Variants in PRDM16 observed in about 807,000 individuals in gnomAD.
PRDM16 encodes the protein PR/SET domain 16.
PRDM16 carries 23 observed loss-of-function variants against 110.6 expected under a neutral mutation model. The observed-to-expected ratio is 0.21, with a 90% CI of 0.15 to 0.29. The LOEUF is 0.29. PRDM16 is among the 10% of genes least tolerant of loss of function. PRDM16 has a pLI of 1.00. For synonymous variants in PRDM16, 799 were observed against 781.8 expected, an observed-to-expected ratio of 1.02 and a Z score of -0.37; for missense variants, 1,615 against 1,794.3, an observed-to-expected ratio of 0.90 and a Z score of 1.81.
intron 1 of PRDM16, among the ~76,000 whole-genome samples, chr1:3,171,886 G>C (rs201861534): frequency 3.9e-5 from 6 of 152,078 alleles, no homozygotes; most frequent in African/African-American, 1.4e-4. Flanking sequence ...GGCGCCTCCC[G>C]AGCACAAAGT....
At chr1:3,355,710 T>C (rs1042795663) in intron 3 of PRDM16, among the ~76,000 whole-genome samples, 1 of 152,138 alleles carries the variant, frequency 6.6e-6, no homozygotes, top group Non-Finnish European at 1.5e-5. Flanking sequence ...GATGAGAAAC[T>C]GGGGCCGGGA....
At chr1:3,164,013 T>C (rs1643922279) in intron 1 of PRDM16, among the ~76,000 whole-genome samples, 1 of 152,222 alleles carries the variant, frequency 6.6e-6, no homozygotes, top group African/African-American at 2.4e-5. Flanking sequence ...CCTGCTGGAA[T>C]GTTCCCTGAT....
chr1:3,181,121 C>A (rs1391419030), intron 1 of PRDM16, among the ~76,000 whole-genome samples: 3 of 139,722 alleles, frequency 2.1e-5, no homozygotes, highest in Admixed American at 1.5e-4. Flanking sequence ...CGGCCTTACA[C>A]ACGCAGTCTT....
At chr1:3,101,213 C>G (rs1039712427) in intron 1 of PRDM16, among the ~76,000 whole-genome samples, 17 of 152,272 alleles carry the variant, frequency 1.1e-4, no homozygotes, top group African/African-American at 3.6e-4. Context: ...CCCCAGCGGA[C>G]GAGCAAACAC....
intron 2 of PRDM16, among the ~76,000 whole-genome samples, chr1:3,193,091 C>T (rs918010572): frequency 1.1e-4 from 17 of 152,072 alleles, no homozygotes; most frequent in African/African-American, 3.1e-4. Context: ...GCAGACGCAG[C>T]GGCCAGACGG....
intron 3 of PRDM16, among the ~76,000 whole-genome samples, chr1:3,336,410 G>C (rs528914438): frequency 2.6e-5 from 4 of 152,184 alleles, no homozygotes; most frequent in African/African-American, 9.7e-5. Context: ...ATGTGTGTTG[G>C]TGTGTCTGTG....
intron 2 of PRDM16, among the ~76,000 whole-genome samples, chr1:3,189,305 G>A (rs1203690806): frequency 6.6e-6 from 1 of 152,200 alleles, no homozygotes; most frequent in Admixed American, 6.5e-5. Flanking sequence ...CTCGGCCAGA[G>A]CAGGCCTGGT....
At chr1:3,181,294 G>A (rs1459268448) in intron 1 of PRDM16, among the ~76,000 whole-genome samples, 8 of 66,030 alleles carry the variant, frequency 1.2e-4, no homozygotes, top group African/African-American at 2.5e-4. Flanking sequence ...TCTTACACAC[G>A]CAGTCTTACA....
At position 3,148,193 on chromosome 1, in the gene PRDM16, A is replaced by G. The variant is rs74496309; in HGVS notation, c.38-37932A>G. ...TGGGAAGGAGCCCCCGGATGAGTGA[A>G]GAAGCTGGGTGCAATCTCATGCCCT... On this transcript the variant is annotated intron_variant, in intron 1 of 16. Coordinates refer to ENST00000270722, the MANE Select transcript of PRDM16 (RefSeq NM_022114.4). This position sits in a 1 kb window ranked among gnomAD's most constrained non-coding sequence, Gnocchi z 5.0. Among the ~76,000 whole-genome samples the G allele has an allele frequency of 0.013, 1,930 of 152,064 alleles. 76 individuals are homozygous for G. The highest frequency in any genetic ancestry group is 0.11 in the East Asian group (553 of 5,134).
intron 3 of PRDM16, among the ~76,000 whole-genome samples, chr1:3,247,285 G>T (rs186958103): frequency 1.3e-5 from 2 of 152,312 alleles, no homozygotes; most frequent in Admixed American, 1.3e-4. Context: ...CAGCAGCTTG[G>T]CATATGAGCT....
chr1:3,279,690 C>A (rs955887299), intron 3 of PRDM16, among the ~76,000 whole-genome samples: 1 of 152,042 alleles, frequency 6.6e-6, no homozygotes, highest in African/African-American at 2.4e-5. Context: ...GGCAGAGGGT[C>A]GGGGGAGTGG....
chr1:3,266,371 C>T (rs1640292960), intron 3 of PRDM16, among the ~76,000 whole-genome samples: 1 of 152,202 alleles, frequency 6.6e-6, no homozygotes, highest in Non-Finnish European at 1.5e-5. Context: ...GAACAATGCG[C>T]GCCGGAGCCT....
At chr1:3,377,960 A>G (rs1643024012) in intron 3 of PRDM16, among the ~76,000 whole-genome samples, 1 of 152,192 alleles carries the variant, frequency 6.6e-6, no homozygotes, top group Non-Finnish European at 1.5e-5. Context: ...AGAGACTCCC[A>G]GAGGGCCTTG....
chr1:3,182,145 CT>C (rs761061249), intron 1 of PRDM16, among the ~76,000 whole-genome samples: 6 of 152,268 alleles, frequency 3.9e-5, no homozygotes, highest in Non-Finnish European at 5.9e-5. Context: ...GGCCTCATGG[CT>C]TCTCTTTAAA....
chr1:3,269,866 C>A (rs984408696), intron 3 of PRDM16, among the ~76,000 whole-genome samples: 11 of 144,700 alleles, frequency 7.6e-5, no homozygotes, highest in Non-Finnish European at 7.5e-5. Flanking sequence ...GGAGGAAAGT[C>A]CCAGAGGAGG....
At chr1:3,106,721 TG>T (rs1177412994) in intron 1 of PRDM16, among the ~76,000 whole-genome samples, 4 of 151,886 alleles carry the variant, frequency 2.6e-5, no homozygotes, top group East Asian at 1.9e-4. Flanking sequence ...CAGGCCAGCA[TG>T]GGGGGGAGCA....
chr1:3,180,369 C>A (rs768004854), intron 1 of PRDM16, among the ~76,000 whole-genome samples: 1 of 152,072 alleles, frequency 6.6e-6, no homozygotes, highest in African/African-American at 2.4e-5. Flanking sequence ...GTTCTTTCCA[C>A]TGAAATGTTC....
At chr1:3,219,965 G>T (rs183135548) in intron 2 of PRDM16, among the ~76,000 whole-genome samples, 398 of 152,262 alleles carry the variant, frequency 2.6e-3, no homozygotes, top group Admixed American at 4.6e-3. Context: ...GCGAGGCTGC[G>T]GTGCTGGCCA....
In PRDM16 at chr1:3,435,701, TCTC is replaced by T. The variant is rs777997942; in HGVS notation, c.*1894_*1896del. 131 of 232,482 alleles carry T rather than the reference TCTC, an allele frequency of 5.6e-4. No homozygotes were observed. The highest frequency in any genetic ancestry group is 2.0e-3 in the African/African-American group (90 of 45,280). 14.4% of individuals were successfully genotyped at this position (232,482 alleles called of 1,614,324 possible). A position where few individuals can be genotyped will look rare whatever the true frequency, so the allele number is the denominator to read the frequency against. ...TCAGGCTTTGTGTCACGCGTGGACA[TCTC>T]CTCAGGCTGTCCCCAGCGGTGACGG... On this transcript the variant is annotated 3_prime_UTR_variant, in exon 17 of 17. Transcript: ENST00000270722.
Sources: allele counts gnomAD v4.1 joint callset (sites outside exome capture counted in the v4.1 genomes callset), GRCh38; gene constraint gnomAD v4.1.1; non-coding constraint Gnocchi (gnomAD v3.1); transcripts MANE v1.5; gene names NCBI Gene and HGNC (gene_info 2026-07-23, HGNC 2026-07-21).